PARP8: variants seen among roughly 807,000 people sequenced by gnomAD.
PARP8 encodes the protein poly(ADP-ribose) polymerase family member 8.
Under a neutral mutation model 124.1 loss-of-function variants are expected in PARP8, and 51 were observed. The observed-to-expected ratio is 0.41, with a 90% CI of 0.33 to 0.52. The LOEUF (loss-of-function observed/expected upper bound fraction) is 0.52. Ranked by LOEUF, PARP8 falls within the 20% of genes least tolerant of loss-of-function variation. PARP8 has a pLI of 0.21. For synonymous variants in PARP8, 391 were observed against 361.5 expected (o/e 1.08, Z -0.93); for missense variants, 860 against 1,018.9 (o/e 0.84, Z 2.12).
chr5:50,733,591 A>G (rs1757198249), intron 2 of PARP8, among the ~76,000 whole-genome samples: 1 of 152,170 alleles, frequency 6.6e-6, no homozygotes, highest in Non-Finnish European at 1.5e-5. Flanking sequence ...TATGTCAACT[A>G]AACTATACTC....
At chr5:50,783,403 A>G (rs1580328244) in intron 9 of PARP8, among the ~76,000 whole-genome samples, 1 of 152,176 alleles carries the variant, frequency 6.6e-6, no homozygotes, top group African/African-American at 2.4e-5. Context: ...ACAATGGCCT[A>G]TGTGTATATC....
intron 23 of PARP8, among the ~76,000 whole-genome samples, chr5:50,833,066 C>A (rs1231505212): frequency 2.0e-5 from 3 of 152,058 alleles, no homozygotes; most frequent in African/African-American, 7.2e-5. Flanking sequence ...ACTATAATAC[C>A]AGAGATACTC....
chr5:50,757,191 G>T, intron 3 of PARP8: 1 of 455,598 alleles, frequency 2.2e-6, no homozygotes, highest in South Asian at 1.6e-5. Context: ...GTTTCCTGTG[G>T]ATCTCAAAAG....
At chr5:50,811,701 T>C (rs1372941936) in intron 14 of PARP8, among the ~76,000 whole-genome samples, 1 of 152,138 alleles carries the variant, frequency 6.6e-6, no homozygotes, top group Non-Finnish European at 1.5e-5. Flanking sequence ...TAACTCATCA[T>C]CTACATTAGG....
intron 9 of PARP8, among the ~76,000 whole-genome samples, chr5:50,778,941 A>G (rs1280436047): frequency 6.6e-6 from 1 of 152,150 alleles, no homozygotes; most frequent in African/African-American, 2.4e-5. Context: ...CAGTAAATAT[A>G]TATATTTTGG....
At chr5:50,668,794 A>G (rs1049939990) in intron 2 of PARP8, 12 of 152,248 alleles carry the variant, frequency 7.9e-5, no homozygotes, top group African/African-American at 2.9e-4. Flanking sequence ...TTCAAATACT[A>G]TGCCTTGCTA....
intron 7 of PARP8, among the ~76,000 whole-genome samples, chr5:50,773,022 A>ATTTGTTTG (rs552245180): frequency 2.0e-5 from 3 of 151,846 alleles, no homozygotes. Context: ...AAGTCAGATT[A>ATTTGTTTG]TTTGTTTGTT....
At chr5:50,741,040 A>T (rs139000998) in intron 2 of PARP8, among the ~76,000 whole-genome samples, 1 of 152,148 alleles carries the variant, frequency 6.6e-6, no homozygotes, top group Non-Finnish European at 1.5e-5. Flanking sequence ...TGCTGTGCAG[A>T]TCATTTATAG....
At chr5:50,713,183 C>T (rs1421940858) in intron 2 of PARP8, among the ~76,000 whole-genome samples, 1 of 151,852 alleles carries the variant, frequency 6.6e-6, no homozygotes, top group Non-Finnish European at 1.5e-5. Context: ...GTTAATTATC[C>T]AAAGGACTTA....
At chr5:50,719,073 G>A (rs775672465) in intron 2 of PARP8, among the ~76,000 whole-genome samples, 2 of 151,898 alleles carry the variant, frequency 1.3e-5, no homozygotes, top group Non-Finnish European at 2.9e-5. Context: ...AGGATGTTGA[G>A]CATTTTTTCA....
Position 50,841,779 on chromosome 5 carries a change from A to C in PARP8, c.2463-187A>C, listed in dbSNP as rs1180184160. ...ATGGAAGAAAGGGGAAAATTTAGGC[A>C]TGACATAGAATGGGCTGTTCTGTGT... On this transcript the variant is annotated intron_variant, in intron 25 of 25. Transcript: ENST00000281631. Among the ~76,000 whole-genome samples the C allele has an allele frequency of 4.6e-5, 7 of 151,730 alleles. No homozygotes were observed. In the East Asian group the frequency reaches 1.4e-3, roughly 29 times the overall value.
chr5:50,672,744 G>A (rs538032304), intron 2 of PARP8, among the ~76,000 whole-genome samples: 12 of 152,284 alleles, frequency 7.9e-5, no homozygotes, highest in African/African-American at 2.6e-4. Context: ...CCCGCAGTGT[G>A]TAATTCCATA....
intron 9 of PARP8, among the ~76,000 whole-genome samples, chr5:50,779,714 G>A (rs569330434): frequency 6.6e-6 from 1 of 152,176 alleles, no homozygotes; most frequent in South Asian, 2.1e-4. Context: ...GAAATCATGG[G>A]CATCTTTAAT....
chr5:50,706,418 T>G (rs1191174054), intron 2 of PARP8, among the ~76,000 whole-genome samples: 1 of 152,066 alleles, frequency 6.6e-6, no homozygotes, highest in Non-Finnish European at 1.5e-5. Context: ...AAAAATTATT[T>G]AATTCTCTTC....
At chr5:50,841,921 G>A in intron 25 of PARP8, 45 bp from the exon 26 acceptor site, 4 of 1,374,140 alleles carry the variant, frequency 2.9e-6, no homozygotes, top group Non-Finnish European at 4.1e-6. Flanking sequence ...TTTAAATGCT[G>A]CCATCTTTTA....
At chr5:50,684,499 A>C (rs1292211139) in intron 2 of PARP8, among the ~76,000 whole-genome samples, 3 of 151,886 alleles carry the variant, frequency 2.0e-5, no homozygotes, top group Non-Finnish European at 4.4e-5. Flanking sequence ...TGAAGGTTTT[A>C]TATATATTCA....
chr5:50,710,497 A>T (rs1228702822), intron 2 of PARP8, among the ~76,000 whole-genome samples: 1 of 152,000 alleles, frequency 6.6e-6, no homozygotes, highest in African/African-American at 2.4e-5. Context: ...AACCTTTTTT[A>T]AAAAAGTTTT....
chr5:50,674,937 T>A (rs2149436803), intron 2 of PARP8, among the ~76,000 whole-genome samples: 1 of 152,280 alleles, frequency 6.6e-6, no homozygotes, highest in Admixed American at 6.5e-5. Flanking sequence ...GATAGTGAAA[T>A]TTGAGGATAG....
rs182157943 is a variant in PARP8 at position 50,751,180 on chromosome 5, G to A, written c.184+992G>A. ...ACTAAGTGAATTAATCTGTAGCACAGGATGTATGGTAGAAGATGCCTTTAG... is the reference window on the plus strand; with the variant it reads ...ACTAAGTGAATTAATCTGTAGCACAAGATGTATGGTAGAAGATGCCTTTAG... On this transcript the variant is annotated intron_variant, in intron 3 of 25. Coordinates refer to ENST00000281631, the MANE Select transcript of PARP8 (RefSeq NM_024615.4). 3.7e-3 allele frequency among the ~76,000 whole-genome samples: 568 copies of A among 152,234 alleles called. 2 individuals carry two copies. Among genetic ancestry groups the A allele is most frequent in the Middle Eastern group, 6.8e-3 (2 of 292 alleles).
Sources: allele counts gnomAD v4.1 joint callset (sites outside exome capture counted in the v4.1 genomes callset), GRCh38; gene constraint gnomAD v4.1.1; transcripts MANE v1.5; gene names NCBI Gene and HGNC (gene_info 2026-07-23, HGNC 2026-07-21).